ANKIB1: variants seen among roughly 807,000 people sequenced by gnomAD.
The protein encoded by ANKIB1 is ankyrin repeat and IBR domain containing 1, also known as ankyrin repeat and IBR domain-containing protein 1.
ANKIB1 carries 43 observed loss-of-function variants against 122.1 expected under a neutral mutation model. The observed-to-expected ratio is 0.35, with a 90% CI of 0.28 to 0.45. The LOEUF is 0.45. Ranked by LOEUF, ANKIB1 falls within the 20% of genes least tolerant of loss-of-function variation. ANKIB1 has a pLI of 1.00. For missense variants in ANKIB1, 992 were observed against 1,329.5 expected (o/e 0.75, Z 3.95); for synonymous variants, 390 against 442.0 (o/e 0.88, Z 1.48).
chr7:92,338,197 C>T (rs1396153561), intron 5 of ANKIB1, among the ~76,000 whole-genome samples: 3 of 151,408 alleles, frequency 2.0e-5, no homozygotes, highest in Admixed American at 1.3e-4. Context: ...ATCACCTGAG[C>T]TCAGGAGTTC....
At chr7:92,310,530 C>G (rs751949257) in intron 3 of ANKIB1, among the ~76,000 whole-genome samples, 1 of 152,076 alleles carries the variant, frequency 6.6e-6, no homozygotes, top group Non-Finnish European at 1.5e-5. Context: ...TTAACTATCT[C>G]CAGAAGCCTT....
chr7:92,338,936 ATATAT>A (rs1803365975), intron 5 of ANKIB1, among the ~76,000 whole-genome samples: 27 of 22,446 alleles, frequency 1.2e-3, no homozygotes, highest in Non-Finnish European at 2.0e-3. Context: ...AAAAAAAAAT[ATATAT>A]ATATATATAT....
chr7:92,366,729 C>T (rs1394198664), intron 10 of ANKIB1, among the ~76,000 whole-genome samples: 2 of 152,140 alleles, frequency 1.3e-5, no homozygotes, highest in Non-Finnish European at 2.9e-5. Flanking sequence ...ATACATCTCC[C>T]TACTTGCCCT....
In ANKIB1 at chr7:92,398,751, T is replaced by C; in HGVS notation, c.3072T>C (p.Phe1024=). ...VELVLPEDSM[F]EDASVSEGRG... ...TGGTGCTGCCAGAAGATTCAATGTT[T>C]GAAGATGCCAGTGTCAGTGAAGGTA... is the stretch of plus-strand genomic sequence containing the variant. The change falls in exon 20 of 20, where the codon TTT becomes TTC. Residue 1024 remains phenylalanine (F), a synonymous_variant. Transcript: ENST00000265742. 1 of 1,613,480 alleles carries C rather than the reference T, an allele frequency of 6.2e-7. No individual in the cohort carries two copies. The highest frequency in any genetic ancestry group is 8.5e-7 in the Non-Finnish European group (1 of 1,179,646).
chr7:92,265,062 A>C (rs950923349), intron 1 of ANKIB1, among the ~76,000 whole-genome samples: 2 of 152,162 alleles, frequency 1.3e-5, no homozygotes, highest in African/African-American at 4.8e-5. Flanking sequence ...TATAACGTCA[A>C]AATCCTGGGC....
In ANKIB1 at chr7:92,294,975, A is replaced by G. The variant is rs1345661286; in HGVS notation, c.-4A>G. 3.1e-6 allele frequency: 5 copies of G among 1,587,318 alleles called. No homozygotes were observed. Among genetic ancestry groups the G allele is most frequent in the Non-Finnish European group, 4.3e-6 (5 of 1,165,804 alleles). ...ACTGCCTATCAGAAAAAACAAAACA[A>G]AACATGGGAAATACAACCACCAAAT... On this transcript the variant is annotated 5_prime_UTR_variant, in exon 2 of 20. Transcript: ENST00000265742.
chr7:92,318,848 C>G (rs1802847424), intron 3 of ANKIB1, among the ~76,000 whole-genome samples: 1 of 152,188 alleles, frequency 6.6e-6, no homozygotes, highest in Admixed American at 6.5e-5. Flanking sequence ...ACTTGCTCAT[C>G]CTAATTTCAT....
chr7:92,366,688 C>T (rs892130183), intron 10 of ANKIB1, among the ~76,000 whole-genome samples: 12 of 152,172 alleles, frequency 7.9e-5, no homozygotes, highest in Non-Finnish European at 1.6e-4. Context: ...TCATTATAAT[C>T]TTCTGTTTTG....
In ANKIB1 at chr7:92,325,117, G is replaced by C. The variant is rs142108881; in HGVS notation, c.670-2666G>C. 6.0e-3 allele frequency among the ~76,000 whole-genome samples: 908 copies of C among 152,268 alleles called. 27 individuals are homozygous for C. The highest frequency in any genetic ancestry group is 0.05 in the Admixed American group (771 of 15,296). On this transcript the variant is annotated intron_variant, in intron 4 of 19. Transcript: ENST00000265742. ...TTAGCGAGTATTAGACCTAGGTTGG[G>C]GTCAGATTCTGTAGGAGCAGGACTG... is the stretch of plus-strand genomic sequence containing the variant.
intron 5 of ANKIB1, among the ~76,000 whole-genome samples, chr7:92,342,391 CATT>C (rs771080700): frequency 1.3e-5 from 2 of 152,110 alleles, no homozygotes; most frequent in Non-Finnish European, 2.9e-5. Flanking sequence ...TGGCTCTAGA[CATT>C]ATAGTATGTT....
chr7:92,325,102 T>C (rs987448645), intron 4 of ANKIB1, among the ~76,000 whole-genome samples: 1 of 152,218 alleles, frequency 6.6e-6, no homozygotes, highest in East Asian at 1.9e-4. Context: ...TTAGCGAGTA[T>C]TAGACCTAGG....
At chr7:92,361,079 T>G (rs978981669) in intron 9 of ANKIB1, among the ~76,000 whole-genome samples, 1 of 152,184 alleles carries the variant, frequency 6.6e-6, no homozygotes, top group Non-Finnish European at 1.5e-5. Flanking sequence ...CTGATGGTGA[T>G]GATATCACTT....
chr7:92,393,099 A>C (rs2115715357), intron 17 of ANKIB1, among the ~76,000 whole-genome samples: 1 of 152,236 alleles, frequency 6.6e-6, no homozygotes, highest in East Asian at 1.9e-4. Context: ...ACAAATGAGG[A>C]AATCTTTGTT....
At chr7:92,308,479 A>G (rs1351601609) in intron 3 of ANKIB1, among the ~76,000 whole-genome samples, 1 of 152,174 alleles carries the variant, frequency 6.6e-6, no homozygotes, top group African/African-American at 2.4e-5. Flanking sequence ...CAATGGATAA[A>G]TATTAACAAA....
chr7:92,349,196 G>A (rs780048182), intron 7 of ANKIB1, among the ~76,000 whole-genome samples: 24 of 152,178 alleles, frequency 1.6e-4, no homozygotes, highest in Non-Finnish European at 3.2e-4. Flanking sequence ...GCTGGCCAGA[G>A]GATTTGAGGA....
intron 17 of ANKIB1, among the ~76,000 whole-genome samples, chr7:92,392,716 T>C (rs191457969): frequency 2.6e-5 from 4 of 152,192 alleles, no homozygotes; most frequent in African/African-American, 7.2e-5. Flanking sequence ...GTTGCTAAGG[T>C]GGAAAACTTG....
intron 2 of ANKIB1, among the ~76,000 whole-genome samples, chr7:92,303,702 T>G (rs897507959): frequency 6.6e-6 from 1 of 152,092 alleles, no homozygotes. Context: ...GCCAAGGTAA[T>G]AGAAAGGTCA....
At chr7:92,350,430 G>A (rs1020992700) in intron 7 of ANKIB1, among the ~76,000 whole-genome samples, 5 of 152,058 alleles carry the variant, frequency 3.3e-5, no homozygotes, top group Admixed American at 6.6e-5. Context: ...TGAAACATAC[G>A]AGTGTATGTA....
intron 1 of ANKIB1, among the ~76,000 whole-genome samples, chr7:92,282,296 G>A (rs143004406): frequency 1.3e-5 from 2 of 152,152 alleles, no homozygotes; most frequent in Non-Finnish European, 2.9e-5. Context: ...TGGCATTACA[G>A]GCACGTGCCA....
Sources: gnomAD v4.1 joint callset for allele counts (sites outside exome capture counted in the v4.1 genomes callset) on GRCh38, gnomAD v4.1.1 for gene constraint, MANE v1.5 for transcripts, NCBI Gene and HGNC (gene_info 2026-07-23, HGNC 2026-07-21) for gene names.